Variants in APBB1IP observed in about 807,000 individuals in gnomAD.
APBB1IP encodes amyloid beta precursor protein binding family B member 1 interacting protein, also known as amyloid beta A4 precursor protein-binding family B member 1-interacting protein.
A neutral mutation model predicts 64.9 loss-of-function variants in APBB1IP; 27 were observed. The observed-to-expected ratio is 0.42, with a 90% CI of 0.31 to 0.57. The LOEUF is 0.57. Among genes scored for constraint, APBB1IP ranks in the 20% least tolerant of loss-of-function variants. The probability of loss-of-function intolerance (pLI) is 0.20; values close to 1 mark genes in which losing one functional copy is unlikely to be tolerated. For synonymous variants in APBB1IP, 392 were observed against 331.0 expected, an observed-to-expected ratio of 1.18 and a Z score of -2.00; for missense variants, 812 against 845.5, an observed-to-expected ratio of 0.96 and a Z score of 0.49.
At chr10:26,488,241 AT>A (rs57427674) in intron 2 of APBB1IP, among the ~76,000 whole-genome samples, 14,242 of 146,260 alleles carry the variant, frequency 0.097, 1,902 homozygotes, top group African/African-American at 0.3. Context: ...TTTTGTAGGA[AT>A]TTTTTTTTTT....
chr10:26,480,876 A>T (rs1208531546), intron 2 of APBB1IP, among the ~76,000 whole-genome samples: 2 of 151,968 alleles, frequency 1.3e-5, no homozygotes, highest in East Asian at 3.9e-4. Flanking sequence ...AATTGACCTA[A>T]CTATTCACAG....
intron 11 of APBB1IP, among the ~76,000 whole-genome samples, chr10:26,542,772 T>G (rs1836712604): frequency 6.6e-6 from 1 of 151,730 alleles, no homozygotes; most frequent in Non-Finnish European, 1.5e-5. Context: ...TAGCCTTTTT[T>G]TTTTAATTCC....
chr10:26,545,759 C>CAAAA (rs571003302), intron 11 of APBB1IP, among the ~76,000 whole-genome samples: 4 of 92,772 alleles, frequency 4.3e-5, no homozygotes, highest in Admixed American at 2.3e-4. Flanking sequence ...GACTCCGTCT[C>CAAAA]AAAAAAAAAA....
At chr10:26,537,119 C>T (rs1836634926) in intron 10 of APBB1IP, among the ~76,000 whole-genome samples, 1 of 152,002 alleles carries the variant, frequency 6.6e-6, no homozygotes, top group South Asian at 2.1e-4. Flanking sequence ...CTTATTCTGA[C>T]CATCAGCTCT....
chr10:26,463,339 C>G (rs895302488), intron 2 of APBB1IP, among the ~76,000 whole-genome samples: 6 of 152,138 alleles, frequency 3.9e-5, no homozygotes, highest in African/African-American at 1.2e-4. Context: ...ACTCAGGAGG[C>G]TAAGGCGAGA....
intron 2 of APBB1IP, among the ~76,000 whole-genome samples, chr10:26,473,147 C>T (rs1835739624): frequency 6.6e-6 from 1 of 152,152 alleles, no homozygotes; most frequent in African/African-American, 2.4e-5. Flanking sequence ...GAGCTCACAA[C>T]ATGATTTTTA....
intron 2 of APBB1IP, among the ~76,000 whole-genome samples, chr10:26,460,316 T>C (rs1285821648): frequency 1.3e-5 from 2 of 152,208 alleles, no homozygotes; most frequent in African/African-American, 4.8e-5. Context: ...AATTTTAGAA[T>C]GTAGTCAAGA....
chr10:26,502,874 A>G (rs532215937), intron 5 of APBB1IP, among the ~76,000 whole-genome samples: 1 of 152,302 alleles, frequency 6.6e-6, no homozygotes, highest in East Asian at 1.9e-4. Flanking sequence ...ACCACTGTTA[A>G]AGTCATCATT....
intron 9 of APBB1IP, 130 bp from the exon 10 acceptor site, chr10:26,535,944 T>A: frequency 2.3e-6 from 2 of 874,908 alleles, no homozygotes; most frequent in Non-Finnish European, 3.4e-6. Context: ...TATAAACATA[T>A]GCATTCGATC....
chr10:26,480,266 C>T (rs936310542), intron 2 of APBB1IP, among the ~76,000 whole-genome samples: 1 of 152,142 alleles, frequency 6.6e-6, no homozygotes, highest in African/African-American at 2.4e-5. Flanking sequence ...ACTCCAAGAC[C>T]TAGGAACCCT....
intron 10 of APBB1IP, among the ~76,000 whole-genome samples, chr10:26,538,943 T>C (rs905053004): frequency 6.6e-6 from 1 of 152,194 alleles, no homozygotes; most frequent in East Asian, 1.9e-4. Flanking sequence ...TCAGAGAAGT[T>C]AAAGTTGGAA....
chr10:26,502,859 T>C (rs983461003), intron 5 of APBB1IP, among the ~76,000 whole-genome samples: 1 of 152,174 alleles, frequency 6.6e-6, no homozygotes, highest in African/African-American at 2.4e-5. Context: ...GGTCTAAATA[T>C]ACGAACCACT....
intron 2 of APBB1IP, among the ~76,000 whole-genome samples, chr10:26,445,169 AAAGAAAGAAAGAAAG>A (rs1835382378): frequency 6.6e-6 from 1 of 150,600 alleles, no homozygotes; most frequent in Non-Finnish European, 1.5e-5. Flanking sequence ...AGAAAGAAAG[AAAGAAAGAAAGAAAG>A]AAAGAAAGAA....
intron 10 of APBB1IP, among the ~76,000 whole-genome samples, chr10:26,537,716 T>C (rs1194083413): frequency 6.6e-6 from 1 of 152,032 alleles, no homozygotes; most frequent in Admixed American, 6.6e-5. Context: ...GGTGAATCAC[T>C]TGAGACCAGG....
At chr10:26,538,671 A>G (rs10764631) in intron 10 of APBB1IP, among the ~76,000 whole-genome samples, 83,029 of 150,644 alleles carry the variant, frequency 0.55, 23,210 homozygotes, top group Admixed American at 0.67. Flanking sequence ...GAAGATAAAG[A>G]AAAGAAAGGT....
intron 14 of APBB1IP, among the ~76,000 whole-genome samples, chr10:26,566,457 A>G (rs1453020187): frequency 6.6e-6 from 1 of 152,158 alleles, no homozygotes; most frequent in Admixed American, 6.5e-5. Flanking sequence ...GTTTCACCAT[A>G]TTGTTCAGGT....
At chr10:26,560,952 T>C in intron 13 of APBB1IP, 108 bp downstream of exon 13, 1 of 717,458 alleles carries the variant, frequency 1.4e-6, no homozygotes, top group Non-Finnish European at 2.1e-6. Context: ...GCATTCAGAA[T>C]ATGTTTCTCA....
chr10:26,453,265 G>A (rs1016797077), intron 2 of APBB1IP, among the ~76,000 whole-genome samples: 1 of 152,198 alleles, frequency 6.6e-6, no homozygotes, highest in African/African-American at 2.4e-5. Context: ...AGAGGTAATG[G>A]CAATGGTGTG....
At chr10:26,455,229 T>C (rs1227578102) in intron 2 of APBB1IP, among the ~76,000 whole-genome samples, 2 of 152,216 alleles carry the variant, frequency 1.3e-5, no homozygotes, top group East Asian at 3.9e-4. Context: ...GAGTGTATCA[T>C]TAAGAAGGAA....
Sources: allele counts gnomAD v4.1 joint callset (sites outside exome capture counted in the v4.1 genomes callset), GRCh38; gene constraint gnomAD v4.1.1; transcripts MANE v1.5; gene names NCBI Gene and HGNC (gene_info 2026-07-23, HGNC 2026-07-21).